Variants in UGT3A1 observed in about 807,000 individuals in gnomAD.
The protein encoded by UGT3A1 is UDP glycosyltransferase family 3 member A1, also known as UDP-glycosyltransferase 3A1.
Under a neutral mutation model 37.6 loss-of-function variants are expected in UGT3A1, and 40 were observed. The ratio of observed to expected loss-of-function variants is 1.06; its 90% CI spans 0.83 to 1.38. UGT3A1 has a LOEUF of 1.38. Among genes scored for constraint, UGT3A1 ranks in the 40% most tolerant of loss-of-function variants. The probability of loss-of-function intolerance (pLI) is 0.00; values close to 1 mark genes in which losing one functional copy is unlikely to be tolerated. For synonymous variants in UGT3A1, 256 were observed against 232.3 expected (o/e 1.10, Z -0.93); for missense variants, 642 against 634.2 (o/e 1.01, Z -0.13).
chr5:35,992,118 G>T (rs1740970505), upstream of UGT3A1, among the ~76,000 whole-genome samples: 1 of 152,148 alleles, frequency 6.6e-6, no homozygotes, highest in South Asian at 2.1e-4. Context: ...TGCAATTCTA[G>T]ACAGACAGAG....
At chr5:35,997,747 G>A (rs181917974) in intron 1 of UGT3A1, among the ~76,000 whole-genome samples, 1 of 152,104 alleles carries the variant, frequency 6.6e-6, no homozygotes, top group East Asian at 1.9e-4. Flanking sequence ...TTTTACCCAG[G>A]GCTCAACACT....
intron 4 of UGT3A1, among the ~76,000 whole-genome samples, chr5:35,959,241 G>C (rs1386403625): frequency 6.6e-6 from 1 of 152,168 alleles, no homozygotes; most frequent in Non-Finnish European, 1.5e-5. Context: ...AAGACTGACA[G>C]AAGTAACTAA....
At chr5:35,963,173 T>A (rs1464551605) in intron 4 of UGT3A1, among the ~76,000 whole-genome samples, 9 of 152,230 alleles carry the variant, frequency 5.9e-5, no homozygotes, top group Non-Finnish European at 7.3e-5. Flanking sequence ...TATGCCTCTA[T>A]TTCCCCTGCT....
intron 2 of UGT3A1, among the ~76,000 whole-genome samples, chr5:35,973,684 C>T (rs1045362379): frequency 1.4e-4 from 22 of 152,138 alleles, no homozygotes; most frequent in Admixed American, 2.6e-4. Context: ...CAAGGGGCTT[C>T]CCAGCACCAC....
At chr5:35,995,851 T>G (rs1741081825), upstream of UGT3A1, among the ~76,000 whole-genome samples, 2 of 152,356 alleles carry the variant, frequency 1.3e-5, no homozygotes. Context: ...TATTGCAGGA[T>G]GTCAGTTGAT....
chr5:35,965,886 C>A lies in UGT3A1; in HGVS notation c.343G>T (p.Glu115Ter). The change falls in exon 4 of 7, where the codon GAA becomes TAA. Residue 115 changes from glutamate to a stop codon, truncating the protein, a stop_gained. Coordinates refer to ENST00000274278, the MANE Select transcript of UGT3A1 (RefSeq NM_152404.4). LOFTEE classifies it high-confidence loss of function. ...TAACTACATTGAGTCCCAAATATTT[C>A]CATTAGCTTTACAAGGGCTTCAGAT... ...KESEALVKLMEIFGTQCSYLL... is the reference protein window; with the variant it reads ...KESEALVKLM The A allele has an allele frequency of 6.3e-7, 1 of 1,578,686 alleles. No individual in the cohort carries two copies. Among genetic ancestry groups the A allele is most frequent in the South Asian group, 1.2e-5 (1 of 83,728 alleles).
At chr5:35,982,564 C>G (rs572460145) in intron 2 of UGT3A1, among the ~76,000 whole-genome samples, 3 of 152,254 alleles carry the variant, frequency 2.0e-5, no homozygotes, top group Admixed American at 6.5e-5. Flanking sequence ...TGCCTATCCT[C>G]TCATGGTATC....
chr5:35,966,069 G>T, intron 3 of UGT3A1, 152 bp from the exon 4 acceptor site: 1 of 619,768 alleles, frequency 1.6e-6, no homozygotes, highest in Non-Finnish European at 2.6e-6. Context: ...AATACTCTCA[G>T]CTCTGGTCAC....
Position 35,991,342 on chromosome 5 carries a change from G to C in UGT3A1, c.-102C>G. On this transcript the variant is annotated 5_prime_UTR_variant, in exon 1 of 7. Coordinates refer to ENST00000274278, the MANE Select transcript of UGT3A1 (RefSeq NM_152404.4). ...CAGTACTCCAAAGGCACTGGCTGTG[G>C]GCCTAGGAAGAGGTAGGAGACGGAT... 6.5e-7 allele frequency: 1 copy of C among 1,547,828 alleles called. No individual in the cohort carries two copies. The highest frequency in any genetic ancestry group is 8.7e-7 in the Non-Finnish European group (1 of 1,149,110).
At chr5:35,976,872 G>A (rs1228627228) in intron 2 of UGT3A1, among the ~76,000 whole-genome samples, 7 of 131,414 alleles carry the variant, frequency 5.3e-5, no homozygotes, top group Admixed American at 8.4e-5. Context: ...AAGAAGGGAC[G>A]GAGGGAGAGA....
At chr5:35,999,581 A>C (rs528977664) in intron 1 of UGT3A1, among the ~76,000 whole-genome samples, 1 of 152,368 alleles carries the variant, frequency 6.6e-6, no homozygotes, top group South Asian at 2.1e-4. Context: ...CCAATGGCAT[A>C]TCAGGTGCCC....
chr5:35,999,800 T>C (rs1580974884), intron 1 of UGT3A1, among the ~76,000 whole-genome samples: 1 of 152,328 alleles, frequency 6.6e-6, no homozygotes, highest in East Asian at 1.9e-4. Flanking sequence ...ATTGATTGAT[T>C]TTATCCAGCT....
chr5:35,959,782 A>C (rs1739504290), intron 4 of UGT3A1, among the ~76,000 whole-genome samples: 1 of 152,152 alleles, frequency 6.6e-6, no homozygotes, highest in African/African-American at 2.4e-5. Context: ...TATATGTAAA[A>C]CTTTAAAAAT....
intron 4 of UGT3A1, chr5:35,960,860 T>C (rs1198865349): frequency 6.6e-6 from 1 of 152,200 alleles, no homozygotes; most frequent in African/African-American, 2.4e-5. Flanking sequence ...AGCCATCCAG[T>C]GGCTGATCTC....
chr5:35,967,601 T>C (rs1030233299), intron 3 of UGT3A1, among the ~76,000 whole-genome samples: 1 of 152,182 alleles, frequency 6.6e-6, no homozygotes, highest in Non-Finnish European at 1.5e-5. Flanking sequence ...TAAGTGAGAA[T>C]AGGTGTTTCT....
At chr5:35,985,994 T>A (rs549055030) in intron 2 of UGT3A1, among the ~76,000 whole-genome samples, 4 of 152,064 alleles carry the variant, frequency 2.6e-5, no homozygotes, top group Admixed American at 2.6e-4. Context: ...TATAAACAGC[T>A]CAAACAACTT....
intron 1 of UGT3A1, among the ~76,000 whole-genome samples, chr5:35,999,385 A>G (rs1473978286): frequency 1.3e-5 from 2 of 152,194 alleles, no homozygotes; most frequent in Non-Finnish European, 2.9e-5. Flanking sequence ...CACAGCTGAA[A>G]GAGCAGCATT....
At chr5:35,994,985 C>G (rs1193655729), upstream of UGT3A1, among the ~76,000 whole-genome samples, 2 of 152,080 alleles carry the variant, frequency 1.3e-5, no homozygotes, top group South Asian at 2.1e-4. Flanking sequence ...AACTGTGAAC[C>G]AGGATGGAAA....
At chr5:35,993,689 A>T (rs1028818780), upstream of UGT3A1, among the ~76,000 whole-genome samples, 26 of 152,062 alleles carry the variant, frequency 1.7e-4, no homozygotes, top group Non-Finnish European at 2.9e-4. Context: ...TTGTCTCATC[A>T]TTTTTCTCTA....
Sources: allele counts gnomAD v4.1 joint callset (sites outside exome capture counted in the v4.1 genomes callset), GRCh38; gene constraint gnomAD v4.1.1; transcripts MANE v1.5; gene names NCBI Gene and HGNC (gene_info 2026-07-23, HGNC 2026-07-21).